Variants in HELZ observed in about 807,000 individuals in gnomAD.
HELZ encodes ATP-dependent RNA helicase with zinc finger domain.
In HELZ, 23 loss-of-function variants were observed where a neutral mutation model predicts 218.2. That is an observed-to-expected ratio of 0.11 (90% CI 0.08 to 0.15). The LOEUF (loss-of-function observed/expected upper bound fraction) is 0.15, where lower values mean the gene tolerates loss of function less well. Ranked by LOEUF, HELZ falls within the 10% of genes least tolerant of loss-of-function variation. HELZ has a pLI of 1.00. For missense variants in HELZ, 1,813 were observed against 2,353.7 expected (o/e 0.77, Z 4.75); for synonymous variants, 814 against 829.4 (o/e 0.98, Z 0.32).
chr17:67,167,255 A>G (rs188223299), intron 14 of HELZ, among the ~76,000 whole-genome samples: 47 of 152,334 alleles, frequency 3.1e-4, no homozygotes, highest in African/African-American at 1.1e-3. Flanking sequence ...ACCTTGTATA[A>G]CACTGGAACA....
intron 22 of HELZ, 124 bp downstream of exon 22, chr17:67,137,807 A>T: frequency 1.4e-6 from 1 of 708,342 alleles, no homozygotes; most frequent in Non-Finnish European, 2.2e-6. Flanking sequence ...ACCTGGCATT[A>T]AAGAACTTGA....
At chr17:67,094,292 C>T (rs151245161) in intron 31 of HELZ, among the ~76,000 whole-genome samples, 193 of 148,298 alleles carry the variant, frequency 1.3e-3, no homozygotes, top group East Asian at 2.6e-3. Context: ...CTGCACCTTG[C>T]GCCTGGGTGA....
At chr17:67,238,682 G>A (rs931926852) in intron 3 of HELZ, among the ~76,000 whole-genome samples, 4 of 152,212 alleles carry the variant, frequency 2.6e-5, no homozygotes, top group South Asian at 2.1e-4. Flanking sequence ...GCGAAACTCC[G>A]TCTCAAAAAA....
Position 67,160,885 on chromosome 17 carries a change from C to T in HELZ, c.2075+12G>A. ...TACCAGGGAAATATGAGCACGCTTC[C>T]CACCCTCTCACCTAGTCTCCTGTTG... On this transcript the variant is annotated intron_variant, in intron 16 of 32. Transcript: ENST00000358691. 1.9e-6 allele frequency: 3 copies of T among 1,584,284 alleles called. No individual in the cohort carries two copies. The highest frequency in any genetic ancestry group is 2.3e-5 in the East Asian group (1 of 44,012).
chr17:67,086,306 G>A (rs2036368880), intron 32 of HELZ, among the ~76,000 whole-genome samples: 1 of 151,964 alleles, frequency 6.6e-6, no homozygotes, highest in South Asian at 2.1e-4. Flanking sequence ...ATATGGAACT[G>A]GCCAGGTGCG....
At chr17:67,163,638 G>A (rs572620946) in intron 15 of HELZ, among the ~76,000 whole-genome samples, 12 of 151,880 alleles carry the variant, frequency 7.9e-5, no homozygotes, top group Non-Finnish European at 1.5e-4. Flanking sequence ...TCCTGACCTC[G>A]TGATCCACCC....
chr17:67,121,891 G>A (rs942687156), intron 26 of HELZ, among the ~76,000 whole-genome samples: 10 of 152,146 alleles, frequency 6.6e-5, no homozygotes, highest in African/African-American at 2.4e-4. Flanking sequence ...CCTGTGTCCT[G>A]TATTTCTTGG....
At chr17:67,202,408 T>G (rs1487928476) in intron 6 of HELZ, among the ~76,000 whole-genome samples, 4 of 152,190 alleles carry the variant, frequency 2.6e-5, no homozygotes, top group Non-Finnish European at 5.9e-5. Context: ...ACAGGATCAC[T>G]TGAGCCCAAG....
Position 67,109,394 on chromosome 17 carries a change from T to C in HELZ, c.4211A>G (p.Gln1404Arg). The C allele has an allele frequency of 6.2e-7, 1 of 1,614,220 alleles. No individual in the cohort carries two copies. Among genetic ancestry groups the C allele is most frequent in the Non-Finnish European group, 8.5e-7 (1 of 1,180,040 alleles). The change falls in exon 29 of 33, where the codon CAG (glutamine) becomes CGG (arginine). Residue 1404 changes from glutamine (Q) to arginine (R), a missense_variant. Physicochemically the swap from Gln to Arg is conservative, Grantham distance 43. This residue lies in a region of HELZ where 938 missense variants were observed against 1,027.5 expected (regional missense o/e 0.91). Coordinates refer to ENST00000358691, the MANE Select transcript of HELZ (RefSeq NM_014877.4). ...IPPQPNQVVQ[Q>R]QSQLNQQPQQ... ...AGGCTGCTGATTCAACTGACTTTGC[T>C]GCTGGACTACCTGATTTGGCTGAGG...
intron 4 of HELZ, among the ~76,000 whole-genome samples, chr17:67,217,717 A>G (rs186286274): frequency 4.6e-5 from 7 of 152,116 alleles, no homozygotes; most frequent in Admixed American, 4.6e-4. Flanking sequence ...ATTGCCTGCA[A>G]TGCTCTTCCT....
chr17:67,170,929 A>AG (rs1298587936), intron 13 of HELZ, among the ~76,000 whole-genome samples: 1 of 151,996 alleles, frequency 6.6e-6, no homozygotes, highest in Non-Finnish European at 1.5e-5. Flanking sequence ...TGCAGAGTTT[A>AG]GGGGTCATTA....
intron 23 of HELZ, among the ~76,000 whole-genome samples, chr17:67,129,685 C>A (rs1211888493): frequency 6.6e-6 from 1 of 152,046 alleles, no homozygotes; most frequent in African/African-American, 2.4e-5. Context: ...GTTGATTATT[C>A]ATTTCTTAAT....
intron 12 of HELZ, among the ~76,000 whole-genome samples, chr17:67,187,298 G>A (rs1009591693): frequency 6.6e-6 from 1 of 152,088 alleles, no homozygotes; most frequent in African/African-American, 2.4e-5. Context: ...GGAAATAAGG[G>A]TAAAGTGAAG....
intron 27 of HELZ, among the ~76,000 whole-genome samples, chr17:67,119,398 T>C (rs997313843): frequency 6.6e-6 from 1 of 152,322 alleles, no homozygotes; most frequent in East Asian, 1.9e-4. Flanking sequence ...CAAATAATTA[T>C]AGAATTCCAT....
chr17:67,205,332 A>C (rs560675668), intron 5 of HELZ, among the ~76,000 whole-genome samples: 1 of 152,212 alleles, frequency 6.6e-6, no homozygotes, highest in Non-Finnish European at 1.5e-5. Flanking sequence ...CTCAAAAAAA[A>C]AAAAAAATTG....
At chr17:67,186,121 C>G (rs374306342) in intron 12 of HELZ, among the ~76,000 whole-genome samples, 1 of 151,304 alleles carries the variant, frequency 6.6e-6, no homozygotes, top group African/African-American at 2.4e-5. Context: ...CACCCTAGTC[C>G]GAGTCCTCAT....
At chr17:67,130,635 G>A (rs1223971593) in intron 23 of HELZ, among the ~76,000 whole-genome samples, 2 of 151,942 alleles carry the variant, frequency 1.3e-5, no homozygotes, top group South Asian at 2.1e-4. Context: ...ATATAGGGAA[G>A]GACTATCTTA....
At chr17:67,095,904 A>T (rs2036728570) in intron 31 of HELZ, among the ~76,000 whole-genome samples, 1 of 152,232 alleles carries the variant, frequency 6.6e-6, no homozygotes, top group Admixed American at 6.5e-5. Flanking sequence ...TACTTTGTCC[A>T]GATCCATCAG....
intron 13 of HELZ, among the ~76,000 whole-genome samples, chr17:67,176,941 C>A (rs1249286057): frequency 6.6e-6 from 1 of 151,714 alleles, no homozygotes; most frequent in Non-Finnish European, 1.5e-5. Context: ...AAAGCCTTCG[C>A]AAGGTACTCA....
Sources: allele counts gnomAD v4.1 joint callset (sites outside exome capture counted in the v4.1 genomes callset), GRCh38; gene constraint gnomAD v4.1.1; regional missense constraint gnomAD v4.1.1; transcripts MANE v1.5; gene names NCBI Gene and HGNC (gene_info 2026-07-23, HGNC 2026-07-21).